MMP26: variants seen among roughly 807,000 people sequenced by gnomAD.
MMP26 encodes matrix metalloproteinase-26.
In MMP26, 33 loss-of-function variants were observed where a neutral mutation model predicts 31.0. The ratio of observed to expected loss-of-function variants is 1.06; its 90% confidence interval spans 0.81 to 1.42. The LOEUF (loss-of-function observed/expected upper bound fraction) is 1.42. MMP26 is among the 40% of genes most tolerant of loss of function. The probability of loss-of-function intolerance (pLI) is 0.00; values close to 1 mark genes in which losing one functional copy is unlikely to be tolerated. For synonymous variants in MMP26, 122 were observed against 114.9 expected, an observed-to-expected ratio of 1.06 and a Z score of -0.40; for missense variants, 347 against 316.1, an observed-to-expected ratio of 1.10 and a Z score of -0.74.
chr11:4,817,009 C>G (rs1432567162), intron 2 of MMP26, among the ~76,000 whole-genome samples: 3 of 151,876 alleles, frequency 2.0e-5, no homozygotes, highest in African/African-American at 7.2e-5. Context: ...CGTTTAGTGA[C>G]ATAGGTTGAT....
intron 2 of MMP26, among the ~76,000 whole-genome samples, chr11:4,810,118 C>T (rs939217792): frequency 6.6e-6 from 1 of 152,230 alleles, no homozygotes; most frequent in Non-Finnish European, 1.5e-5. Context: ...GAAGCATTAA[C>T]CCATCCCTTT....
At chr11:4,745,016 CAT>C (rs1165413355) in intron 1 of MMP26, among the ~76,000 whole-genome samples, 2 of 152,110 alleles carry the variant, frequency 1.3e-5, no homozygotes, top group Non-Finnish European at 2.9e-5. Context: ...ATTTATTATA[CAT>C]AGTTTCATGT....
chr11:4,824,321 A>G (rs868360261), intron 2 of MMP26, among the ~76,000 whole-genome samples: 12 of 152,144 alleles, frequency 7.9e-5, no homozygotes, highest in African/African-American at 2.7e-4. Flanking sequence ...GAAGACTATC[A>G]TATATTGCAA....
intron 1 of MMP26, chr11:4,709,651 G>A (rs1847831457): frequency 2.2e-6 from 1 of 457,390 alleles, no homozygotes; most frequent in Non-Finnish European, 4.4e-6. Context: ...CGTCAGATCT[G>A]GACCTCCATC....
intron 1 of MMP26, chr11:4,709,745 A>G: frequency 2.2e-6 from 1 of 460,928 alleles, no homozygotes; most frequent in Non-Finnish European, 4.4e-6. Flanking sequence ...GCCTCCATGA[A>G]CCCATGTATC....
At chr11:4,785,171 G>T (rs1311406722) in intron 2 of MMP26, among the ~76,000 whole-genome samples, 1 of 152,184 alleles carries the variant, frequency 6.6e-6, no homozygotes, top group Non-Finnish European at 1.5e-5. Flanking sequence ...GCCCAAGACT[G>T]TCACTGAAAG....
At chr11:4,963,454 C>T (rs989437674) in intron 2 of MMP26, among the ~76,000 whole-genome samples, 17 of 152,032 alleles carry the variant, frequency 1.1e-4, no homozygotes, top group African/African-American at 3.6e-4. Context: ...AGAACAAAGC[C>T]GGAGGCATCA....
intron 1 of MMP26, among the ~76,000 whole-genome samples, chr11:4,714,916 T>TCA (rs1564892951): frequency 7.5e-6 from 1 of 133,316 alleles, no homozygotes; most frequent in African/African-American, 3.1e-5. Context: ...TCTCTCTCTC[T>TCA]CTCTCACACA....
intron 1 of MMP26, among the ~76,000 whole-genome samples, chr11:4,717,908 C>T (rs902430876): frequency 6.6e-5 from 10 of 152,156 alleles, no homozygotes; most frequent in African/African-American, 1.2e-4. Flanking sequence ...AAATTCATAA[C>T]ATTAAACTAT....
intron 2 of MMP26, among the ~76,000 whole-genome samples, chr11:4,845,648 T>TGGATTAATGGAATG (rs1278662619): frequency 1.3e-5 from 2 of 152,046 alleles, no homozygotes; most frequent in Non-Finnish European, 2.9e-5. Flanking sequence ...ATCCACAAAG[T>TGGATTAATGGAATG]GAAGAGACAA....
intron 2 of MMP26, among the ~76,000 whole-genome samples, chr11:4,933,609 C>T (rs1010302428): frequency 6.7e-6 from 1 of 148,780 alleles, no homozygotes; most frequent in African/African-American, 2.5e-5. Context: ...TTTTAGGTTA[C>T]ATGTGCACAT....
rs562104083 is a variant in MMP26, at chr11:4,882,988, T to C, written c.-144-105080T>C. The C allele has an allele frequency of 2.9e-5, 24 of 820,478 alleles. No individual in the cohort carries two copies. The African/African-American group carries it at 4.1e-4, about 14-fold the overall frequency. 50.8% of individuals were successfully genotyped at this position (820,478 alleles called of 1,614,324 possible). On this transcript the variant is annotated intron_variant, in intron 2 of 7. Transcript: ENST00000380390. ...TGCTGAGTCAATTCCAATTGAATTT[T>C]AGGAGTGGGAAGAAGACAGTAATTT... is the stretch of plus-strand genomic sequence containing the variant.
intron 2 of MMP26, among the ~76,000 whole-genome samples, chr11:4,892,354 T>A (rs1850637727): frequency 6.6e-6 from 1 of 152,182 alleles, no homozygotes; most frequent in Non-Finnish European, 1.5e-5. Context: ...AGCTCAGAAG[T>A]GTCTTGGCCC....
chr11:4,933,569 T>TG (rs1851384842), intron 2 of MMP26, among the ~76,000 whole-genome samples: 9 of 151,666 alleles, frequency 5.9e-5, no homozygotes, highest in African/African-American at 1.7e-4. Context: ...TGTTTTGTTT[T>TG]TTTTATTTTT....
At chr11:4,809,437 C>G (rs1253004422) in intron 2 of MMP26, among the ~76,000 whole-genome samples, 1 of 152,170 alleles carries the variant, frequency 6.6e-6, no homozygotes, top group African/African-American at 2.4e-5. Flanking sequence ...CCAACTATAA[C>G]ACCCACTGGC....
rs1339370212 is a variant in MMP26, at chr11:4,989,879, C to G, written c.320+11C>G. The G allele has an allele frequency of 1.9e-5, 31 of 1,598,828 alleles. No homozygotes were observed. The highest frequency in any genetic ancestry group is 2.6e-5 in the Non-Finnish European group (30 of 1,175,724). On this transcript the variant is annotated intron_variant, in intron 4 of 7. Transcript: ENST00000380390. The stretch of plus-strand genomic sequence containing the variant: ...CACTCTAACTTACAGGTGCTTGTTA[C>G]TAAGGCCTAGAGGATAATGTGTGGG...
At chr11:4,844,388 A>T (rs947379883) in intron 2 of MMP26, among the ~76,000 whole-genome samples, 5 of 152,204 alleles carry the variant, frequency 3.3e-5, no homozygotes, top group African/African-American at 9.6e-5. Flanking sequence ...AATATGGAAG[A>T]GGAAGGAATA....
chr11:4,826,573 A>G (rs773598785), intron 2 of MMP26, among the ~76,000 whole-genome samples: 2 of 152,120 alleles, frequency 1.3e-5, no homozygotes, highest in Non-Finnish European at 2.9e-5. Flanking sequence ...AACCACACAG[A>G]GCCAAGCAAT....
intron 2 of MMP26, among the ~76,000 whole-genome samples, chr11:4,879,419 G>A (rs1031784575): frequency 6.6e-6 from 1 of 152,136 alleles, no homozygotes; most frequent in Non-Finnish European, 1.5e-5. Context: ...AGTTCCTGAA[G>A]ATATGAGTGG....
Sources: gnomAD v4.1 joint callset for allele counts (sites outside exome capture counted in the v4.1 genomes callset) on GRCh38, gnomAD v4.1.1 for gene constraint, MANE v1.5 for transcripts, NCBI Gene and HGNC (gene_info 2026-07-23, HGNC 2026-07-21) for gene names.